The following AKAP3 variants were observed in gnomAD, a reference collection of about 807,000 sequenced individuals.
AKAP3 encodes the protein A-kinase anchoring protein 3.
A neutral mutation model predicts 57.2 loss-of-function variants in AKAP3; 27 were observed. The observed-to-expected ratio is 0.47, with a 90% CI of 0.35 to 0.65. The LOEUF (loss-of-function observed/expected upper bound fraction) is 0.65. Among genes scored for constraint, AKAP3 ranks in the 30% least tolerant of loss-of-function variants. The pLI, the probability that AKAP3 is intolerant of heterozygous loss-of-function variation, is 0.01. For synonymous variants in AKAP3, 334 were observed against 392.3 expected, an observed-to-expected ratio of 0.85 and a Z score of 1.76; for missense variants, 959 against 1,040.0, an observed-to-expected ratio of 0.92 and a Z score of 1.07.
At chr12:4,639,776 A>G (rs1340382515) in intron 3 of AKAP3, among the ~76,000 whole-genome samples, 1 of 150,122 alleles carries the variant, frequency 6.7e-6, no homozygotes, top group Non-Finnish European at 1.5e-5. Context: ...TTATGGCTGC[A>G]TAGTATTCCA....
At chr12:4,642,609 C>T (rs1945650427) in intron 2 of AKAP3, among the ~76,000 whole-genome samples, 1 of 152,200 alleles carries the variant, frequency 6.6e-6, no homozygotes, top group Non-Finnish European at 1.5e-5. Context: ...AGGTCAAGGG[C>T]TACCCCATCC....
intron 4 of AKAP3, chr12:4,631,470 G>A: frequency 1.6e-6 from 1 of 622,706 alleles, no homozygotes; most frequent in South Asian, 1.9e-5. Flanking sequence ...ATCAGTGTCT[G>A]TATCACTATG....
intron 4 of AKAP3, 66 bp from the exon 5 acceptor site, chr12:4,628,871 T>C: frequency 6.7e-7 from 1 of 1,496,498 alleles, no homozygotes. Context: ...CAAGACAACC[T>C]CAAAGTTCAG....
At chr12:4,640,775 C>T (rs1173102881) in intron 3 of AKAP3, among the ~76,000 whole-genome samples, 1 of 152,174 alleles carries the variant, frequency 6.6e-6, no homozygotes, top group Non-Finnish European at 1.5e-5. Context: ...ACAATGAGTT[C>T]TCCATCCTAA....
intron 5 of AKAP3, among the ~76,000 whole-genome samples, chr12:4,621,380 C>T (rs1183205953): frequency 1.3e-5 from 2 of 152,186 alleles, no homozygotes; most frequent in Non-Finnish European, 2.9e-5. Flanking sequence ...CCTTCGCATT[C>T]ACTCACCACT....
At chr12:4,644,469 G>T (rs1180385652) in intron 2 of AKAP3, among the ~76,000 whole-genome samples, 1 of 152,214 alleles carries the variant, frequency 6.6e-6, no homozygotes, top group Non-Finnish European at 1.5e-5. Context: ...AGGAAGTAAG[G>T]CCCCTCATGT....
chr12:4,634,079 A>G (rs1945535107), intron 4 of AKAP3, among the ~76,000 whole-genome samples: 2 of 151,654 alleles, frequency 1.3e-5, no homozygotes, highest in African/African-American at 4.9e-5. Context: ...TTGTAGATGT[A>G]CAAGTTCTCC....
chr12:4,626,991 G>A lies in AKAP3; in HGVS notation c.1911C>T (p.Pro637=), dbSNP rs1320408290. 1 of 1,614,108 alleles carries A rather than the reference G, an allele frequency of 6.2e-7. No individual in the cohort carries two copies. The highest frequency in any genetic ancestry group is 8.5e-7 in the Non-Finnish European group (1 of 1,180,016). The change falls in exon 5 of 6, where the codon CCC becomes CCT. Residue 637 remains proline, a synonymous_variant. Coordinates refer to ENST00000228850, the MANE Select transcript of AKAP3 (RefSeq NM_001278309.2). ...TCTCATCATCCTCATATAGCCTGGG[G>A]GGAGAAGACGCCAACGGTCTTTCAC... The part of the protein sequence containing the change: ...KLCERPLASS[P]PRLYEDDETP...
At chr12:4,633,469 G>C (rs1272135135) in intron 4 of AKAP3, among the ~76,000 whole-genome samples, 1 of 152,014 alleles carries the variant, frequency 6.6e-6, no homozygotes, top group African/African-American at 2.4e-5. Context: ...TTTTGCAAAA[G>C]GGGTTAATCC....
At position 4,628,461 on chromosome 12, in the gene AKAP3, G is replaced by A. The variant is rs759158426; in HGVS notation, c.441C>T (p.Ile147=). The A allele has an allele frequency of 1.8e-5, 29 of 1,614,012 alleles. No homozygotes were observed. Among genetic ancestry groups the A allele is most frequent in the Non-Finnish European group, 2.2e-5 (26 of 1,180,030 alleles). Residue 147 remains isoleucine, a synonymous_variant, in exon 5 of 6, where the codon ATC becomes ATT. Transcript: ENST00000228850. ...AGACACATTTGTTTTCAGAGCCATC[G>A]ATCTTCTCATTGATCTCTTTGCGGG... The part of the protein sequence containing the change: ...AMARKEINEK[I]DGSENKCVYQ...
Position 4,624,311 on chromosome 12 carries a change from CTT to C in AKAP3, c.2406+2183_2406+2184del, listed in dbSNP as rs879507720. Among the ~76,000 whole-genome samples, 209 of 133,996 alleles carry C rather than the reference CTT, an allele frequency of 1.6e-3. 1 individual carries two copies. Among genetic ancestry groups the C allele is most frequent in the Non-Finnish European group, 1.9e-3 (121 of 63,272 alleles). 87.9% of individuals were successfully genotyped at this position (133,996 alleles called of 152,430 possible). A position where few individuals can be genotyped will look rare whatever the true frequency, so the allele number is the denominator to read the frequency against. ...ATATATAAAAAATAATAATTTGTGA[CTT>C]TACGTGTGTGTGTGTGTGTGTGTGT... On this transcript the variant is annotated intron_variant, in intron 5 of 5. Coordinates refer to ENST00000228850, the MANE Select transcript of AKAP3 (RefSeq NM_001278309.2).
chr12:4,647,520 A>T lies in AKAP3; in HGVS notation c.-245+1225T>A, dbSNP rs372927602. The stretch of plus-strand genomic sequence containing the variant: ...AGACCCCATCTCTGAAAAAAAAAAA[A>T]GTCAGTGTTCTTTTAATTACACCAT... On this transcript the variant is annotated intron_variant, in intron 1 of 5. Transcript: ENST00000228850. Among the ~76,000 whole-genome samples, 67 of 152,206 alleles carry T rather than the reference A, an allele frequency of 4.4e-4. 1 individual carries two copies. The highest frequency in any genetic ancestry group is 1.5e-3 in the African/African-American group (62 of 41,514).
intron 5 of AKAP3, among the ~76,000 whole-genome samples, chr12:4,619,941 C>T (rs754963607): frequency 2.6e-5 from 4 of 152,126 alleles, no homozygotes; most frequent in Admixed American, 6.5e-5. Context: ...GGCTCCATTG[C>T]ATAAAATGTC....
Position 4,626,845 on chromosome 12 carries a change from T to G in AKAP3, c.2057A>C (p.Lys686Thr). 1 of 1,607,298 alleles carries G rather than the reference T, an allele frequency of 6.2e-7. No homozygotes were observed. Among genetic ancestry groups the G allele is most frequent in the Non-Finnish European group, 8.5e-7 (1 of 1,178,212 alleles). Residue 686 changes from lysine (K) to threonine (T), a missense_variant, in exon 5 of 6, where the codon AAG (lysine) becomes ACG (threonine). Coordinates refer to ENST00000228850, the MANE Select transcript of AKAP3 (RefSeq NM_001278309.2). Reference protein sequence around the residue: ...SVMKLCVIIAKSCDASLAELG... With the variant: ...SVMKLCVIIATSCDASLAELG... ...CTCTGCCAACGAAGCATCACAGGAC[T>G]TAGCAATGATGACACACAGCTTCAT... is the stretch of plus-strand genomic sequence containing the variant.
intron 3 of AKAP3, 126 bp downstream of exon 3, chr12:4,641,773 C>A (rs1420328485): frequency 6.6e-6 from 1 of 152,138 alleles, no homozygotes; most frequent in Non-Finnish European, 1.5e-5. Flanking sequence ...ATATTTCATC[C>A]AAATGAGTTA....
intron 3 of AKAP3, among the ~76,000 whole-genome samples, chr12:4,639,390 T>C (rs1307329420): frequency 6.6e-6 from 1 of 151,960 alleles, no homozygotes; most frequent in Non-Finnish European, 1.5e-5. Flanking sequence ...TTTTTTTCTT[T>C]TGGGGGGTGC....
chr12:4,619,421 G>A (rs1330733921), intron 5 of AKAP3, among the ~76,000 whole-genome samples: 1 of 151,908 alleles, frequency 6.6e-6, no homozygotes, highest in Admixed American at 6.6e-5. Flanking sequence ...ACTGGGCATG[G>A]TGGGGGATGC....
intron 3 of AKAP3, among the ~76,000 whole-genome samples, chr12:4,639,490 A>T (rs1411715145): frequency 6.6e-6 from 1 of 152,102 alleles, no homozygotes; most frequent in Non-Finnish European, 1.5e-5. Context: ...GGTTTGTTAC[A>T]TATGTATACG....
Position 4,649,005 on chromosome 12 carries a change from A to C in AKAP3, c.-505T>G. The C allele has an allele frequency of 8.9e-7, 1 of 1,124,784 alleles. No individual in the cohort carries two copies. Among genetic ancestry groups the C allele is most frequent in the South Asian group, 1.5e-5 (1 of 67,376 alleles). 69.7% of individuals were successfully genotyped at this position (1,124,784 alleles called of 1,614,324 possible). ...TTCCCAGCTTTCTTCTTAACCAACA[A>C]TCTACCCGAAACCGTCGTTTCTTGG... On this transcript the variant is annotated 5_prime_UTR_variant, in exon 1 of 6. Transcript: ENST00000228850.
Sources: allele counts gnomAD v4.1 joint callset (sites outside exome capture counted in the v4.1 genomes callset), GRCh38; gene constraint gnomAD v4.1.1; transcripts MANE v1.5; gene names NCBI Gene and HGNC (gene_info 2026-07-23, HGNC 2026-07-21).